SLC35F4: variants seen among roughly 807,000 people sequenced by gnomAD.
The protein encoded by SLC35F4 is solute carrier family 35 member F4, also known as chromosome 14 open reading frame 36.
A neutral mutation model predicts 44.2 loss-of-function variants in SLC35F4; 24 were observed. That is an observed-to-expected ratio of 0.54 (90% CI 0.39 to 0.76). The LOEUF (loss-of-function observed/expected upper bound fraction) is 0.76. Ranked by LOEUF, SLC35F4 falls within the 30% of genes least tolerant of loss-of-function variation. The pLI, the probability that SLC35F4 is intolerant of heterozygous loss-of-function variation, is 0.00. For synonymous variants in SLC35F4, 238 were observed against 223.6 expected, an observed-to-expected ratio of 1.06 and a Z score of -0.57; for missense variants, 562 against 586.1, an observed-to-expected ratio of 0.96 and a Z score of 0.42.
chr14:57,821,710 G>A (rs1179014782), intron 1 of SLC35F4, among the ~76,000 whole-genome samples: 1 of 152,180 alleles, frequency 6.6e-6, no homozygotes, highest in Non-Finnish European at 1.5e-5. Flanking sequence ...TACAATGTTA[G>A]AAAAATTAAT....
chr14:57,612,028 A>G (rs577597079), intron 1 of SLC35F4, among the ~76,000 whole-genome samples: 4 of 152,250 alleles, frequency 2.6e-5, no homozygotes, highest in Admixed American at 2.6e-4. Context: ...CACAGTGACA[A>G]TGTCCTCACT....
chr14:57,597,461 G>A (rs1271191912), intron 1 of SLC35F4, among the ~76,000 whole-genome samples: 2 of 152,210 alleles, frequency 1.3e-5, no homozygotes, highest in African/African-American at 4.8e-5. Flanking sequence ...CTATTATGGG[G>A]CAGGTATTGT....
chr14:57,823,022 G>T (rs1883340526), intron 1 of SLC35F4, among the ~76,000 whole-genome samples: 1 of 152,130 alleles, frequency 6.6e-6, no homozygotes, highest in Admixed American at 6.6e-5. Flanking sequence ...GCTCATGTCT[G>T]TGGCTGCCTA....
At chr14:57,731,029 A>G (rs1477818112) in intron 1 of SLC35F4, among the ~76,000 whole-genome samples, 1 of 152,196 alleles carries the variant, frequency 6.6e-6, no homozygotes, top group Non-Finnish European at 1.5e-5. Flanking sequence ...AGTGGGAAAT[A>G]CCTCTTGGGA....
At chr14:57,861,079 G>A (rs538250486) in intron 1 of SLC35F4, among the ~76,000 whole-genome samples, 4 of 152,126 alleles carry the variant, frequency 2.6e-5, no homozygotes, top group South Asian at 2.1e-4. Flanking sequence ...AACTTTAAAC[G>A]GACCCTTAAG....
intron 1 of SLC35F4, among the ~76,000 whole-genome samples, chr14:57,727,829 TG>T (rs2076242298): frequency 6.6e-6 from 1 of 152,228 alleles, no homozygotes; most frequent in East Asian, 1.9e-4. Flanking sequence ...GAATGAACCA[TG>T]TGCTGAGGAG....
intron 3 of SLC35F4, among the ~76,000 whole-genome samples, chr14:57,582,885 TAGGCACA>T (rs577566808): frequency 6.6e-6 from 1 of 152,178 alleles, no homozygotes; most frequent in Non-Finnish European, 1.5e-5. Context: ...GACAAAGAAT[TAGGCACA>T]GGGAGTATAG....
intron 1 of SLC35F4, among the ~76,000 whole-genome samples, chr14:57,737,620 A>AAT (rs2076501754): frequency 6.6e-6 from 1 of 152,206 alleles, no homozygotes; most frequent in Non-Finnish European, 1.5e-5. Context: ...CCAGTTTTAG[A>AAT]ATACTCAGGT....
At chr14:57,788,823 A>G (rs1461346382) in intron 1 of SLC35F4, among the ~76,000 whole-genome samples, 1 of 152,202 alleles carries the variant, frequency 6.6e-6, no homozygotes, top group Non-Finnish European at 1.5e-5. Context: ...GTCAGACCAC[A>G]GTGTAATCAA....
Position 57,881,963 on chromosome 14 carries a change from A to C in SLC35F4, n.282+99950T>G, listed in dbSNP as rs376102512. ...CATATGTAAGAAGTTTAGCTTGCATAATTTGAGAGAGCAGAGATGCAGAGT... is the reference window on the plus strand; with the variant it reads ...CATATGTAAGAAGTTTAGCTTGCATCATTTGAGAGAGCAGAGATGCAGAGT... On this transcript the variant is annotated intron_variant and non_coding_transcript_variant, in intron 1 of 1. Coordinates refer to the SLC35F4 transcript ENST00000556568. Among the ~76,000 whole-genome samples the C allele has an allele frequency of 3.3e-5, 5 of 152,118 alleles. No individual in the cohort carries two copies. In the East Asian group the frequency reaches 9.6e-4, roughly 29 times the overall value.
chr14:57,884,447 G>A (rs952622201), intron 1 of SLC35F4, among the ~76,000 whole-genome samples: 1 of 152,182 alleles, frequency 6.6e-6, no homozygotes, highest in African/African-American at 2.4e-5. Flanking sequence ...AAATGGATTA[G>A]AGGACTCTTC....
chr14:57,958,938 A>T (rs1242297922), intron 1 of SLC35F4, among the ~76,000 whole-genome samples: 2 of 152,220 alleles, frequency 1.3e-5, no homozygotes, highest in Non-Finnish European at 2.9e-5. Flanking sequence ...GCTCTGGAGG[A>T]GAGTGGCATG....
At chr14:57,864,927 TCATCGCCCTCCCA>T (rs937215881) in intron 1 of SLC35F4, among the ~76,000 whole-genome samples, 2 of 152,090 alleles carry the variant, frequency 1.3e-5, no homozygotes, top group African/African-American at 4.8e-5. Context: ...AGAGCACACC[TCATCGCCCTCCCA>T]CCAAAACTGG....
chr14:57,660,844 C>T (rs1229906086), intron 1 of SLC35F4, among the ~76,000 whole-genome samples: 1 of 152,084 alleles, frequency 6.6e-6, no homozygotes, highest in African/African-American at 2.4e-5. Flanking sequence ...CATAAGAGAC[C>T]TGGGGCGAGA....
chr14:57,942,215 T>C (rs149540647), intron 1 of SLC35F4, among the ~76,000 whole-genome samples: 5 of 152,322 alleles, frequency 3.3e-5, no homozygotes, highest in Admixed American at 1.3e-4. Flanking sequence ...CAGCTTAATG[T>C]TGAGCCCCTT....
intron 1 of SLC35F4, among the ~76,000 whole-genome samples, chr14:57,813,306 T>C (rs760941724): frequency 3.9e-5 from 6 of 152,190 alleles, no homozygotes; most frequent in Non-Finnish European, 5.9e-5. Context: ...AGTACTTTTA[T>C]AGGCCGGCTG....
intron 1 of SLC35F4, among the ~76,000 whole-genome samples, chr14:57,859,024 G>T (rs1405251461): frequency 6.6e-6 from 1 of 152,024 alleles, no homozygotes; most frequent in African/African-American, 2.4e-5. Context: ...AGGATGGCTT[G>T]GGCCCAGGAG....
At chr14:57,820,571 T>G (rs1480693826) in intron 1 of SLC35F4, among the ~76,000 whole-genome samples, 1 of 152,270 alleles carries the variant, frequency 6.6e-6, no homozygotes, top group African/African-American at 2.4e-5. Flanking sequence ...TTCAATGAAC[T>G]GTTCTCTTCA....
At chr14:57,709,488 T>A (rs958067115) in intron 1 of SLC35F4, among the ~76,000 whole-genome samples, 5 of 152,142 alleles carry the variant, frequency 3.3e-5, no homozygotes, top group South Asian at 2.1e-4. Flanking sequence ...TTAATGATAT[T>A]CATATATAAT....
Sources: gnomAD v4.1 joint callset for allele counts (sites outside exome capture counted in the v4.1 genomes callset) on GRCh38, gnomAD v4.1.1 for gene constraint, MANE v1.5 for transcripts, NCBI Gene and HGNC (gene_info 2026-07-23, HGNC 2026-07-21) for gene names.